The following VDAC3 variants were observed in gnomAD, a reference collection of about 807,000 sequenced individuals.
VDAC3 encodes voltage dependent anion channel 3, also known as non-selective voltage-gated ion channel VDAC3.
Under a neutral mutation model 33.9 loss-of-function variants are expected in VDAC3, and 7 were observed. That is an observed-to-expected ratio of 0.21 (90% CI 0.12 to 0.39). VDAC3 has a LOEUF of 0.39. Ranked by LOEUF, VDAC3 falls within the 10% of genes least tolerant of loss-of-function variation. The pLI is 1.00. For missense variants in VDAC3, 261 were observed against 334.5 expected (o/e 0.78, Z 1.71); for synonymous variants, 100 against 122.4 (o/e 0.82, Z 1.21).
At chr8:42,400,159 A>C (rs1348348854) in intron 6 of VDAC3, among the ~76,000 whole-genome samples, 1 of 152,008 alleles carries the variant, frequency 6.6e-6, no homozygotes, top group African/African-American at 2.4e-5. Context: ...AACACGGTGA[A>C]ACCCCATCTC....
At chr8:42,400,640 C>CA (rs1024707554) in intron 6 of VDAC3, among the ~76,000 whole-genome samples, 16 of 149,252 alleles carry the variant, frequency 1.1e-4, no homozygotes, top group African/African-American at 3.9e-4. Context: ...TTTTGCCACA[C>CA]ACTTCAGTTA....
Position 42,398,695 on chromosome 8 carries a change from T to G in VDAC3, c.118-17T>G. On this transcript the variant is annotated splice_polypyrimidine_tract_variant and intron_variant, in intron 4 of 9. Transcript: ENST00000022615. Reference sequence around the variant, plus strand: ...GATGAGCTAATTTTAAAGTAATTATTTTTTCTTGCTTACCAGGAATTTTCT... The same window carrying G: ...GATGAGCTAATTTTAAAGTAATTATGTTTTCTTGCTTACCAGGAATTTTCT... The G allele has an allele frequency of 1.2e-6, 2 of 1,600,808 alleles. No homozygotes were observed. Among genetic ancestry groups the G allele is most frequent in the South Asian group, 2.3e-5 (2 of 88,170 alleles).
intron 4 of VDAC3, chr8:42,396,693 A>AT (rs1198838591): frequency 2.9e-6 from 2 of 690,092 alleles, no homozygotes; most frequent in Non-Finnish European, 5.2e-6. Flanking sequence ...AAGAAAAAAA[A>AT]GCTTATTCGT....
At position 42,398,828 on chromosome 8, in the gene VDAC3, C is replaced by CAAT; in HGVS notation, c.236_238dup (p.Asn79dup). On this transcript the variant is annotated inframe_insertion, in exon 5 of 10. Transcript: ENST00000022615. Reference sequence around the variant, plus strand: ...CCTTCACCCAGAAATGGAACACAGACAATACTCTAGGGACAGAAATCTCTT... The same window carrying CAAT: ...CCTTCACCCAGAAATGGAACACAGACAATAATACTCTAGGGACAGAAATCTCTT... 1 of 1,613,864 alleles carries CAAT rather than the reference C, an allele frequency of 6.2e-7. No homozygotes were observed. Among genetic ancestry groups the CAAT allele is most frequent in the Non-Finnish European group, 8.5e-7 (1 of 1,179,950 alleles).
At position 42,393,874 on chromosome 8, in the gene VDAC3, AT is replaced by A. The variant is rs556630897; in HGVS notation, c.-8del. 4.9e-4 allele frequency: 207 copies of A among 424,586 alleles called. No homozygotes were observed. The highest frequency in any genetic ancestry group is 7.5e-4 in the Non-Finnish European group (180 of 240,414). The allele number at this position is 424,586 out of a possible 1,614,324, so 26.3% of individuals were successfully genotyped here. A position where few individuals can be genotyped will look rare whatever the true frequency, so the allele number is the denominator to read the frequency against. On this transcript the variant is annotated 5_prime_UTR_variant, in exon 2 of 10. Coordinates refer to ENST00000022615, the MANE Select transcript of VDAC3 (RefSeq NM_005662.7). ...TTGGTTTCATAAGAGCCTGAGAGAG[AT>A]TTTTCTAAGGTAAATTTTGCATATA...
intron 4 of VDAC3, among the ~76,000 whole-genome samples, chr8:42,396,057 A>G (rs1802306648): frequency 1.3e-5 from 2 of 151,950 alleles, no homozygotes; most frequent in South Asian, 4.1e-4. Context: ...GGAGATTGAG[A>G]CCATCCTGGC....
chr8:42,392,391 A>AT (rs1475979648), intron 1 of VDAC3, among the ~76,000 whole-genome samples: 2 of 152,242 alleles, frequency 1.3e-5, no homozygotes, highest in Non-Finnish European at 2.9e-5. Flanking sequence ...CAACCGGCTT[A>AT]ACGCCTTTCC....
Position 42,405,571 on chromosome 8 carries a change from A to G in VDAC3, c.*109A>G. On this transcript the variant is annotated 3_prime_UTR_variant, in exon 10 of 10. Transcript: ENST00000022615. ...GAAATTTCAAAAGTGTGAACTTTTT[A>G]TTCTTCCAAAGAATTGTAATCCTCC... 2 of 930,806 alleles carry G rather than the reference A, an allele frequency of 2.1e-6. No individual in the cohort carries two copies. The highest frequency in any genetic ancestry group is 3.3e-6 in the Non-Finnish European group (2 of 601,030). 57.7% of individuals were successfully genotyped at this position (930,806 alleles called of 1,614,324 possible). A position where few individuals can be genotyped will look rare whatever the true frequency, so the allele number is the denominator to read the frequency against.
chr8:42,400,612 T>TAAC, intron 6 of VDAC3, among the ~76,000 whole-genome samples: 1 of 151,690 alleles, frequency 6.6e-6, no homozygotes, highest in African/African-American at 2.4e-5. Context: ...GTCTCAGCCG[T>TAAC]AACAACAGGT....
In VDAC3 at chr8:42,403,298, T is replaced by C; in HGVS notation, c.552-13T>C. 1.2e-6 allele frequency: 2 copies of C among 1,613,556 alleles called. No homozygotes were observed. Among genetic ancestry groups the C allele is most frequent in the Non-Finnish European group, 8.5e-7 (1 of 1,179,824 alleles). On this transcript the variant is annotated splice_polypyrimidine_tract_variant and intron_variant, in intron 7 of 9. Coordinates refer to ENST00000022615, the MANE Select transcript of VDAC3 (RefSeq NM_005662.7). Reference sequence around the variant, plus strand: ...ACTAGATATTTATGACGTTTTCTTATCTATGAAAACAGGAACGATGGCACT... The same window carrying C: ...ACTAGATATTTATGACGTTTTCTTACCTATGAAAACAGGAACGATGGCACT...
chr8:42,395,297 C>T (rs1802289631), intron 4 of VDAC3, 164 bp downstream of exon 4: 1 of 642,732 alleles, frequency 1.6e-6, no homozygotes, highest in African/African-American at 2.0e-5. Flanking sequence ...AATAAACAAC[C>T]AAGTTGAATT....
chr8:42,392,443 A>C (rs773754351), intron 1 of VDAC3, among the ~76,000 whole-genome samples: 2 of 152,190 alleles, frequency 1.3e-5, no homozygotes, highest in Non-Finnish European at 2.9e-5. Flanking sequence ...GTGCACATCT[A>C]TGGGCAGGTG....
chr8:42,393,996 C>G, intron 2 of VDAC3, 112 bp downstream of exon 2: 1 of 478,484 alleles, frequency 2.1e-6, no homozygotes, highest in Non-Finnish European at 3.7e-6. Context: ...CTCTGAATCT[C>G]ACGGGAAAAC....
chr8:42,399,480 G>A (rs1802378536), intron 5 of VDAC3, 171 bp from the exon 6 acceptor site: 1 of 507,710 alleles, frequency 2.0e-6, no homozygotes. Context: ...TGAAGGCTGG[G>A]GTGAGGGGAC....
chr8:42,405,325 A>G, intron 9 of VDAC3, 46 bp from the exon 10 acceptor site: 3 of 1,501,180 alleles, frequency 2.0e-6, no homozygotes, highest in Non-Finnish European at 2.8e-6. Flanking sequence ...TTCAGATCTA[A>G]TTGTAATACT....
intron 4 of VDAC3, among the ~76,000 whole-genome samples, chr8:42,395,441 C>T (rs1299586791): frequency 6.6e-6 from 1 of 152,218 alleles, no homozygotes; most frequent in Non-Finnish European, 1.5e-5. Flanking sequence ...AACCTCACTT[C>T]CATGATAATG....
At chr8:42,402,649 ATG>A (rs1434037353) in intron 7 of VDAC3, among the ~76,000 whole-genome samples, 1 of 152,206 alleles carries the variant, frequency 6.6e-6, no homozygotes, top group African/African-American at 2.4e-5. Context: ...AGGGCAAACT[ATG>A]TGTTTTTAAA....
At chr8:42,401,697 G>A (rs1563422876) in intron 6 of VDAC3, 91 bp from the exon 7 acceptor site, 4 of 1,120,612 alleles carry the variant, frequency 3.6e-6, no homozygotes, top group Middle Eastern at 2.0e-4. Flanking sequence ...ATTGGGAGAT[G>A]AGAGAGAGGA....
At chr8:42,395,611 T>C (rs1194531533) in intron 4 of VDAC3, among the ~76,000 whole-genome samples, 2 of 152,224 alleles carry the variant, frequency 1.3e-5, no homozygotes, top group Non-Finnish European at 2.9e-5. Flanking sequence ...GTTTTTTTTA[T>C]TGGAAGTAAA....
Sources: gnomAD v4.1 joint callset for allele counts (sites outside exome capture counted in the v4.1 genomes callset) on GRCh38, gnomAD v4.1.1 for gene constraint, MANE v1.5 for transcripts, NCBI Gene and HGNC (gene_info 2026-07-23, HGNC 2026-07-21) for gene names.